Variants in XKR3 observed in about 807,000 individuals in gnomAD.
XKR3 encodes XK related 3, also known as XK-related protein 3.
In XKR3, 27 loss-of-function variants were observed where a neutral mutation model predicts 40.3. The observed-to-expected ratio is 0.67, with a 90% confidence interval of 0.49 to 0.92. The LOEUF (loss-of-function observed/expected upper bound fraction) is 0.92, where lower values mean the gene tolerates loss of function less well. XKR3 is among the 40% of genes least tolerant of loss of function. The probability of loss-of-function intolerance (pLI) is 0.00; values close to 1 mark genes in which losing one functional copy is unlikely to be tolerated. For missense variants in XKR3, 472 were observed against 537.6 expected (o/e 0.88, Z 1.21); for synonymous variants, 193 against 195.4 (o/e 0.99, Z 0.10).
At chr22:16,801,523 C>G (rs962234232) in intron 2 of XKR3, among the ~76,000 whole-genome samples, 4 of 152,118 alleles carry the variant, frequency 2.6e-5, no homozygotes, top group African/African-American at 7.2e-5. Context: ...ACCTGCACAA[C>G]ACGGCAAGAT....
chr22:16,806,973 G>T (rs567218009), intron 2 of XKR3, among the ~76,000 whole-genome samples: 1 of 152,122 alleles, frequency 6.6e-6, no homozygotes, highest in South Asian at 2.1e-4. Context: ...TTCAAAGCAC[G>T]TTAGTCTTTC....
intron 3 of XKR3, among the ~76,000 whole-genome samples, chr22:16,797,532 C>T (rs544500501): frequency 1.0e-3 from 153 of 152,240 alleles, no homozygotes; most frequent in Middle Eastern, 3.4e-3. Context: ...GTGGCTCGCG[C>T]CTGTAATCCC....
chr22:16,799,995 T>C lies in XKR3; in HGVS notation c.365A>G (p.Lys122Arg), dbSNP rs1346208184. ...RCLHTIRNYH[K>R]WLKNLKQEKE... Reference sequence around the variant, plus strand: ...CTCCTGTTTAAGATTTTTCAACCATTTGTGGTAATTTCTAATGGTGTGCAA... The same window carrying C: ...CTCCTGTTTAAGATTTTTCAACCATCTGTGGTAATTTCTAATGGTGTGCAA... The change falls in exon 3 of 4, where the codon AAA (lysine) becomes AGA (arginine). Residue 122 changes from lysine to arginine, a missense_variant. By Grantham distance (26) the Lys-to-Arg change is conservative. Transcript: ENST00000684488. 1.2e-5 allele frequency: 20 copies of C among 1,614,120 alleles called. No homozygotes were observed. The highest frequency in any genetic ancestry group is 1.7e-5 in the Non-Finnish European group (20 of 1,179,996).
At chr22:16,800,091 G>C (rs150909336) in intron 2 of XKR3, 67 bp from the exon 3 acceptor site, 1 of 1,545,968 alleles carries the variant, frequency 6.5e-7, no homozygotes, top group African/African-American at 1.4e-5. Context: ...ATATTTGAAA[G>C]TTTATCAGGA....
intron 1 of XKR3, among the ~76,000 whole-genome samples, chr22:16,812,035 A>G (rs945178154): frequency 6.6e-6 from 1 of 152,070 alleles, no homozygotes; most frequent in African/African-American, 2.4e-5. Context: ...AAAAAACAAC[A>G]AACAAAGACA....
At chr22:16,816,323 TTTTCCTGCTTTTGACATTAA>T (rs1482197522) in intron 1 of XKR3, among the ~76,000 whole-genome samples, 1 of 151,690 alleles carries the variant, frequency 6.6e-6, no homozygotes, top group African/African-American at 2.4e-5. Context: ...GAAATTTATT[TTTTCCTGCTTTTGACATTAA>T]TTACCATATT....
intron 1 of XKR3, among the ~76,000 whole-genome samples, chr22:16,817,116 A>C (rs1005801281): frequency 4.6e-5 from 7 of 152,184 alleles, no homozygotes; most frequent in African/African-American, 1.7e-4. Context: ...AAACAAAGAA[A>C]CAAAAATTTG....
intron 3 of XKR3, among the ~76,000 whole-genome samples, chr22:16,798,048 C>T (rs5748644): frequency 0.11 from 16,417 of 151,392 alleles, 1,263 homozygotes; most frequent in African/African-American, 0.21. Context: ...GGCATGTTGG[C>T]ACATGCCTGT....
chr22:16,820,273 T>C (rs2060250187), intron 1 of XKR3, among the ~76,000 whole-genome samples: 1 of 152,190 alleles, frequency 6.6e-6, no homozygotes. Context: ...CAAGCTGTGG[T>C]ACATTTATAC....
chr22:16,817,353 C>CCAAT (rs143280269), intron 1 of XKR3, among the ~76,000 whole-genome samples: 121,681 of 151,220 alleles, frequency 0.8, 49,412 homozygotes, highest in Non-Finnish European at 0.86. Context: ...CGAACGTCCA[C>CCAAT]CAATCAGTTT....
intron 1 of XKR3, among the ~76,000 whole-genome samples, chr22:16,820,238 T>C (rs2060250098): frequency 6.6e-6 from 1 of 152,212 alleles, no homozygotes; most frequent in South Asian, 2.1e-4. Flanking sequence ...ACATCCCTTG[T>C]GTTCTTCAAT....
chr22:16,820,876 T>C (rs1468853304), intron 1 of XKR3, among the ~76,000 whole-genome samples: 1 of 152,198 alleles, frequency 6.6e-6, no homozygotes, highest in Non-Finnish European at 1.5e-5. Flanking sequence ...AGAAATAGGA[T>C]GACTGTTTCA....
intron 3 of XKR3, among the ~76,000 whole-genome samples, chr22:16,794,670 C>T (rs1299564281): frequency 1.3e-5 from 2 of 152,192 alleles, no homozygotes; most frequent in Non-Finnish European, 2.9e-5. Context: ...GTCTACCTAA[C>T]AACCAGCTAA....
At chr22:16,817,586 G>A (rs1240967348) in intron 1 of XKR3, among the ~76,000 whole-genome samples, 1 of 151,908 alleles carries the variant, frequency 6.6e-6, no homozygotes, top group Admixed American at 6.6e-5. Context: ...AATTATTTAG[G>A]CAGGAAGCCA....
chr22:16,796,168 G>C (rs1261981373), intron 3 of XKR3, among the ~76,000 whole-genome samples: 4 of 152,026 alleles, frequency 2.6e-5, no homozygotes, highest in Admixed American at 6.6e-5. Context: ...GATTGAAACT[G>C]AATAGGCCAA....
In XKR3 at chr22:16,784,317, T is replaced by C; in HGVS notation, c.682A>G (p.Ile228Val). ...AAGAATTCTATCGGCGGTAGCTTAA[T>C]GGTAGTATCATCATTGCTGATCTGG... ...AIQISNDDTT[I>V]KLPPIEFFCV... The change falls in exon 4 of 4, where the codon ATT (isoleucine) becomes GTT (valine). Residue 228 changes from isoleucine (I) to valine (V), a missense_variant. Physicochemically the swap from Ile to Val is conservative, Grantham distance 29 (BLOSUM62 3). Coordinates refer to ENST00000684488, the MANE Select transcript of XKR3 (RefSeq NM_001386955.1). 2 of 1,614,210 alleles carry C rather than the reference T, an allele frequency of 1.2e-6. No homozygotes were observed. The highest frequency in any genetic ancestry group is 2.2e-5 in the South Asian group (2 of 91,082).
At position 16,814,932 on chromosome 22, in the gene XKR3, CT is replaced by C. The variant is rs552626478; in HGVS notation, c.-10-6850del. Among the ~76,000 whole-genome samples the C allele has an allele frequency of 9.1e-3, 1,308 of 144,252 alleles. 5 individuals are homozygous for C. Among genetic ancestry groups the C allele is most frequent in the Non-Finnish European group, 0.012 (770 of 65,202 alleles). 94.6% of individuals were successfully genotyped at this position (144,252 alleles called of 152,430 possible). ...CTTTTTTCCTTTCCAATTTAGATGG[CT>C]TTTTTTTTTTAATTTTCTTGCCCAA... On this transcript the variant is annotated intron_variant, in intron 1 of 3. Transcript: ENST00000684488.
chr22:16,807,832 T>C lies in XKR3; in HGVS notation c.242A>G (p.Asp81Gly), dbSNP rs1473895922. 6.2e-7 allele frequency: 1 copy of C among 1,613,824 alleles called. No individual in the cohort carries two copies. Among genetic ancestry groups the C allele is most frequent in the Non-Finnish European group, 8.5e-7 (1 of 1,179,902 alleles). The change falls in exon 2 of 4, where the codon GAT becomes GGT. Residue 81 changes from aspartate to glycine, a missense_variant. Physicochemically the swap from Asp to Gly is moderately conservative, Grantham distance 94. Transcript: ENST00000684488. The stretch of plus-strand genomic sequence containing the variant: ...GTTGAAAAACATCAGGATAATTTGA[T>C]CCAAAATTGCCCCCACAATAATAAA... The part of the protein sequence containing the change: ...ISFIIVGAIL[D>G]QIILMFFNKD...
In XKR3 at chr22:16,807,765, G is replaced by T; in HGVS notation, c.309C>A (p.His103Gln). ...TCACAATAGGTCCTAAAAGAAGAAT[G>T]TGCCAAAAAAGTAATGCAGCCTTAT... ...RRNKAALLFW[H>Q]ILLLGPIVRC... Residue 103 changes from histidine (H) to glutamine (Q), a missense_variant, in exon 2 of 4, where the codon CAC (histidine) becomes CAA (glutamine). Transcript: ENST00000684488. The T allele has an allele frequency of 6.2e-7, 1 of 1,607,184 alleles. No individual in the cohort carries two copies. Among genetic ancestry groups the T allele is most frequent in the Non-Finnish European group, 8.5e-7 (1 of 1,176,226 alleles).
Sources: allele counts gnomAD v4.1 joint callset (sites outside exome capture counted in the v4.1 genomes callset), GRCh38; gene constraint gnomAD v4.1.1; transcripts MANE v1.5; gene names NCBI Gene and HGNC (gene_info 2026-07-23, HGNC 2026-07-21).